Variants in PDE4D observed in about 807,000 individuals in gnomAD.
PDE4D encodes phosphodiesterase 4D.
A neutral mutation model predicts 87.4 loss-of-function variants in PDE4D; 24 were observed. That is an observed-to-expected ratio of 0.27 (90% confidence interval 0.20 to 0.39). The LOEUF is 0.39. Among genes scored for constraint, PDE4D ranks in the 10% least tolerant of loss-of-function variants. The pLI, the probability that PDE4D is intolerant of heterozygous loss-of-function variation, is 1.00. For missense variants in PDE4D, 714 were observed against 1,041.0 expected (o/e 0.69, Z 4.32); for synonymous variants, 384 against 383.2 (o/e 1.00, Z -0.02).
intron 1 of PDE4D, among the ~76,000 whole-genome samples, chr5:59,621,909 T>C (rs1561344168): frequency 6.6e-6 from 1 of 152,216 alleles, no homozygotes; most frequent in Non-Finnish European, 1.5e-5. Flanking sequence ...CTCCAATCAG[T>C]AACATTAATG....
At chr5:59,617,768 C>T (rs552921038) in intron 1 of PDE4D, among the ~76,000 whole-genome samples, 1 of 152,296 alleles carries the variant, frequency 6.6e-6, no homozygotes, top group East Asian at 1.9e-4. Flanking sequence ...TTCTCACCTC[C>T]ATAACTGTGA....
At chr5:59,465,224 C>T (rs1212143490) in intron 1 of PDE4D, among the ~76,000 whole-genome samples, 1 of 152,162 alleles carries the variant, frequency 6.6e-6, no homozygotes, top group African/African-American at 2.4e-5. Context: ...GTACTGTTTC[C>T]TACATCAGGA....
intron 2 of PDE4D, among the ~76,000 whole-genome samples, chr5:60,038,879 A>G (rs1425977364): frequency 1.3e-5 from 2 of 151,586 alleles, no homozygotes; most frequent in East Asian, 3.9e-4. Flanking sequence ...AATCAAAACC[A>G]CAATGAGATA....
At chr5:59,133,584 A>C (rs766902029) in intron 5 of PDE4D, among the ~76,000 whole-genome samples, 2 of 152,196 alleles carry the variant, frequency 1.3e-5, no homozygotes, top group Non-Finnish European at 2.9e-5. Flanking sequence ...ACTGTAGAAA[A>C]GTACACTAGG....
At chr5:60,118,491 A>AT (rs1444547818) in intron 2 of PDE4D, among the ~76,000 whole-genome samples, 3 of 151,874 alleles carry the variant, frequency 2.0e-5, no homozygotes, top group Non-Finnish European at 4.4e-5. Flanking sequence ...GGCACTATAT[A>AT]TGGCAGATAT....
In PDE4D at chr5:58,974,659, C is replaced by T; in HGVS notation, c.*5G>A. 2 of 1,526,950 alleles carry T rather than the reference C, an allele frequency of 1.3e-6. No homozygotes were observed. Among genetic ancestry groups the T allele is most frequent in the Non-Finnish European group, 1.8e-6 (2 of 1,137,434 alleles). The allele number at this position is 1,526,950 out of a possible 1,614,324, so 94.6% of individuals were successfully genotyped here. On this transcript the variant is annotated 3_prime_UTR_variant, in exon 15 of 15. Coordinates refer to ENST00000340635, the MANE Select transcript of PDE4D (RefSeq NM_001104631.2). Reference sequence around the variant, plus strand: ...AAAAAAAAAGGCATGAAAGTTTTTGCACTGTTACGTGTCAGGAGAACGATC... The same window carrying T: ...AAAAAAAAAGGCATGAAAGTTTTTGTACTGTTACGTGTCAGGAGAACGATC...
At chr5:59,346,821 G>A (rs1294755783) in intron 1 of PDE4D, among the ~76,000 whole-genome samples, 1 of 152,176 alleles carries the variant, frequency 6.6e-6, no homozygotes, top group Non-Finnish European at 1.5e-5. Flanking sequence ...AGAAACTGAG[G>A]AAAGTTAGGA....
At chr5:59,925,263 T>C (rs1163963481) in intron 3 of PDE4D, among the ~76,000 whole-genome samples, 3 of 130,172 alleles carry the variant, frequency 2.3e-5, no homozygotes, top group Non-Finnish European at 4.7e-5. Flanking sequence ...TTTCCTTGTC[T>C]GTTTGTTTAT....
chr5:60,314,717 A>G (rs1755388048), intron 1 of PDE4D, among the ~76,000 whole-genome samples: 1 of 151,300 alleles, frequency 6.6e-6, no homozygotes, highest in African/African-American at 2.4e-5. Context: ...GTTCCCACCT[A>G]TGAGTGACAA....
chr5:59,957,275 G>A (rs938196748), intron 3 of PDE4D, among the ~76,000 whole-genome samples: 1 of 151,986 alleles, frequency 6.6e-6, no homozygotes, highest in Admixed American at 6.6e-5. Flanking sequence ...TTTGAATACT[G>A]AGTGTTGTCA....
intron 1 of PDE4D, among the ~76,000 whole-genome samples, chr5:60,416,747 C>T (rs1490799711): frequency 1.3e-5 from 2 of 152,246 alleles, no homozygotes; most frequent in Non-Finnish European, 2.9e-5. Context: ...TACACTCTTC[C>T]TTCAGAGAAA....
chr5:60,470,574 ACTCT>A (rs1262268259), intron 1 of PDE4D, among the ~76,000 whole-genome samples: 1 of 152,160 alleles, frequency 6.6e-6, no homozygotes, highest in African/African-American at 2.4e-5. Context: ...AGACAGGCTA[ACTCT>A]CTTGTTAAGG....
At chr5:60,320,646 C>T (rs1756164434) in intron 1 of PDE4D, among the ~76,000 whole-genome samples, 1 of 152,018 alleles carries the variant, frequency 6.6e-6, no homozygotes, top group African/African-American at 2.4e-5. Flanking sequence ...TGATTTTATA[C>T]CTAGAAAACC....
chr5:60,001,756 CG>C (rs1226807390), intron 2 of PDE4D, among the ~76,000 whole-genome samples: 5 of 151,232 alleles, frequency 3.3e-5, no homozygotes, highest in African/African-American at 4.9e-5. Flanking sequence ...CACAAAATGA[CG>C]GGGGAAAGTA....
At chr5:60,258,031 C>A (rs1186657093) in intron 1 of PDE4D, among the ~76,000 whole-genome samples, 2 of 151,936 alleles carry the variant, frequency 1.3e-5, no homozygotes, top group African/African-American at 4.8e-5. Flanking sequence ...AGAATGAAGC[C>A]TGCCACACAC....
At chr5:59,661,074 T>TTATATATATATATATATATATATATA (rs3062479) in intron 1 of PDE4D, among the ~76,000 whole-genome samples, 22 of 140,068 alleles carry the variant, frequency 1.6e-4, no homozygotes, top group African/African-American at 5.1e-4. Context: ...CATGATAATA[T>TTATATATATATATATATATATATATA]TATATATATA....
intron 1 of PDE4D, among the ~76,000 whole-genome samples, chr5:60,251,751 C>T (rs1562259954): frequency 6.6e-6 from 1 of 151,664 alleles, no homozygotes; most frequent in Admixed American, 6.6e-5. Context: ...GATTGCTGGG[C>T]CGAATGGTAA....
chr5:60,337,372 T>TACACACACAC (rs1295111958), intron 1 of PDE4D, among the ~76,000 whole-genome samples: 1 of 117,002 alleles, frequency 8.5e-6, no homozygotes, highest in African/African-American at 3.5e-5. Flanking sequence ...TATATATATA[T>TACACACACAC]ATATATATAT....
intron 2 of PDE4D, among the ~76,000 whole-genome samples, chr5:60,054,108 A>G (rs1582409866): frequency 6.6e-6 from 1 of 152,194 alleles, no homozygotes; most frequent in East Asian, 1.9e-4. Context: ...TAGTTCAACC[A>G]TTGTGGAAGA....
Sources: allele counts gnomAD v4.1 joint callset (sites outside exome capture counted in the v4.1 genomes callset), GRCh38; gene constraint gnomAD v4.1.1; transcripts MANE v1.5; gene names NCBI Gene and HGNC (gene_info 2026-07-23, HGNC 2026-07-21).